NCOR1: variants seen among roughly 807,000 people sequenced by gnomAD.
The protein encoded by NCOR1 is protein phosphatase 1, regulatory subunit 109.
Under a neutral mutation model 288.1 loss-of-function variants are expected in NCOR1, and 63 were observed. The ratio of observed to expected loss-of-function variants is 0.22; its 90% CI spans 0.18 to 0.27. The LOEUF is 0.27. NCOR1 is among the 10% of genes least tolerant of loss of function. NCOR1 has a pLI of 1.00. For missense variants in NCOR1, 2,397 were observed against 3,019.2 expected (o/e 0.79, Z 4.83); for synonymous variants, 1,007 against 1,065.9 (o/e 0.94, Z 1.08).
intron 23 of NCOR1, chr17:16,084,315 T>C (rs770138334): frequency 9.8e-5 from 15 of 152,290 alleles, no homozygotes; most frequent in Middle Eastern, 3.4e-3. Flanking sequence ...TAGCTGCTAA[T>C]AGCAAAGAGA....
At chr17:16,042,153 A>C (rs2057828104) in intron 42 of NCOR1, among the ~76,000 whole-genome samples, 1 of 94,784 alleles carries the variant, frequency 1.1e-5, no homozygotes, top group African/African-American at 5.3e-5. Context: ...GGGAGGCTTT[A>C]AACTGACAGA....
chr17:16,145,109 C>T (rs973611989), intron 10 of NCOR1, among the ~76,000 whole-genome samples: 5 of 152,214 alleles, frequency 3.3e-5, no homozygotes, highest in African/African-American at 9.6e-5. Flanking sequence ...CCGTGTTGGA[C>T]GGGCTGGTCT....
At chr17:16,114,071 T>C (rs1160976464) in intron 18 of NCOR1, among the ~76,000 whole-genome samples, 3 of 138,928 alleles carry the variant, frequency 2.2e-5, no homozygotes, top group African/African-American at 5.3e-5. Flanking sequence ...CAGTTCCACA[T>C]GGCTGGGGAG....
In NCOR1 at chr17:16,048,925, T is replaced by C; in HGVS notation, c.6456A>G (p.Pro2152=). Residue 2152 remains proline (P), a synonymous_variant, in exon 41 of 46, where the codon CCA becomes CCG. Coordinates refer to ENST00000268712, the MANE Select transcript of NCOR1 (RefSeq NM_006311.4). ...VSSEPYEPIS[P]PQVPVVHEKQ... ...TCTCATGCACAACCGGAACCTGGGG[T>C]GGGGAGATGGGCTCGTAGGGCTCCG... 3 of 1,613,380 alleles carry C rather than the reference T, an allele frequency of 1.9e-6. No homozygotes were observed. The highest frequency in any genetic ancestry group is 2.5e-6 in the Non-Finnish European group (3 of 1,179,656).
Position 16,068,125 on chromosome 17 carries a change from GA to G in NCOR1, c.4514-5del, listed in dbSNP as rs1476264466. The G allele has an allele frequency of 1.3e-6, 2 of 1,593,576 alleles. No homozygotes were observed. The highest frequency in any genetic ancestry group is 8.6e-7 in the Non-Finnish European group (1 of 1,167,206). On this transcript the variant is annotated splice_polypyrimidine_tract_variant and splice_region_variant and intron_variant, in intron 31 of 45. Transcript: ENST00000268712. The stretch of plus-strand genomic sequence containing the variant: ...GACTTGTTAGAAGAAATTGTAACTG[GA>G]AAAAAAGAGCCAATGCCACAAGTTC...
chr17:16,145,856 G>A (rs992774668), intron 10 of NCOR1, among the ~76,000 whole-genome samples: 3 of 152,202 alleles, frequency 2.0e-5, no homozygotes, highest in Admixed American at 2.0e-4. Context: ...GACTAGAGAG[G>A]GGGGGAAATG....
At chr17:16,125,779 C>T (rs918008101) in intron 15 of NCOR1, among the ~76,000 whole-genome samples, 3 of 149,796 alleles carry the variant, frequency 2.0e-5, no homozygotes, top group Non-Finnish European at 3.0e-5. Flanking sequence ...AGTGAAATAA[C>T]TCAGAAACAG....
intron 26 of NCOR1, among the ~76,000 whole-genome samples, chr17:16,077,749 G>T (rs1197739287): frequency 2.6e-5 from 4 of 152,158 alleles, no homozygotes; most frequent in Middle Eastern, 3.2e-3. Context: ...TGGCAAAAAT[G>T]TGTTGATTGT....
In NCOR1 at chr17:16,171,162, A is replaced by G. The variant is rs994825504; in HGVS notation, c.435+641T>C. Among the ~76,000 whole-genome samples the G allele has an allele frequency of 4.6e-5, 7 of 152,320 alleles. No homozygotes were observed. In the South Asian group the frequency reaches 1.4e-3, roughly 32 times the overall value. ...GATGTGTTTCCCAATGTATACATAC[A>G]TCAAAATATCACACTGTATAAATAT... On this transcript the variant is annotated intron_variant, in intron 4 of 45. Transcript: ENST00000268712.
intron 20 of NCOR1, among the ~76,000 whole-genome samples, chr17:16,099,113 T>A (rs1414631083): frequency 1.3e-5 from 2 of 152,080 alleles, no homozygotes; most frequent in African/African-American, 4.8e-5. Flanking sequence ...AAATCAGCAC[T>A]CCCCAACAGC....
intron 9 of NCOR1, among the ~76,000 whole-genome samples, chr17:16,147,263 G>T (rs950257605): frequency 6.6e-6 from 1 of 152,096 alleles, no homozygotes; most frequent in African/African-American, 2.4e-5. Flanking sequence ...ACAAAAATTA[G>T]CCAGGCGTGG....
At chr17:16,103,981 C>G (rs1487871204) in intron 19 of NCOR1, among the ~76,000 whole-genome samples, 1 of 152,216 alleles carries the variant, frequency 6.6e-6, no homozygotes, top group African/African-American at 2.4e-5. Context: ...GCCTGGGCAA[C>G]AAGAGTGAAA....
intron 22 of NCOR1, among the ~76,000 whole-genome samples, chr17:16,091,237 C>T (rs781693540): frequency 9.2e-5 from 14 of 152,162 alleles, no homozygotes; most frequent in African/African-American, 3.1e-4. Context: ...TATGTAATAA[C>T]GTGCTACATT....
In NCOR1 at chr17:16,109,254, AT is replaced by A. The variant is rs199577625; in HGVS notation, c.2056-343del. Among the ~76,000 whole-genome samples the A allele has an allele frequency of 7.5e-3, 1,144 of 151,996 alleles. 19 individuals are homozygous for A. The highest frequency in any genetic ancestry group is 0.049 in the East Asian group (255 of 5,172). On this transcript the variant is annotated intron_variant, in intron 18 of 45. Coordinates refer to ENST00000268712, the MANE Select transcript of NCOR1 (RefSeq NM_006311.4). ...TATCTAATAAAAACAATATATATAT[AT>A]TTTTTCTAAAGATAATATATACCTT...
intron 21 of NCOR1, among the ~76,000 whole-genome samples, chr17:16,095,718 C>G (rs1234155459): frequency 8.2e-6 from 1 of 122,444 alleles, no homozygotes; most frequent in East Asian, 2.5e-4. Flanking sequence ...GTCAGCCCCC[C>G]GCCCGGCCAG....
intron 14 of NCOR1, among the ~76,000 whole-genome samples, chr17:16,127,311 ATG>A (rs1491511665): frequency 2.9e-5 from 1 of 34,382 alleles, no homozygotes; most frequent in African/African-American, 1.0e-4. Flanking sequence ...GTATATATAC[ATG>A]TATGTATATA....
chr17:16,085,717 T>C (rs911485873), intron 23 of NCOR1, among the ~76,000 whole-genome samples: 1 of 152,092 alleles, frequency 6.6e-6, no homozygotes, highest in Non-Finnish European at 1.5e-5. Flanking sequence ...GAAGGGGAGA[T>C]GGCCTGGGAA....
At chr17:16,105,828 G>A (rs781775598) in intron 19 of NCOR1, among the ~76,000 whole-genome samples, 12 of 152,266 alleles carry the variant, frequency 7.9e-5, no homozygotes, top group East Asian at 1.9e-4. Context: ...GGCCAGGCGC[G>A]GTGGCTCATG....
chr17:16,109,702 T>C (rs2069585655), intron 18 of NCOR1, among the ~76,000 whole-genome samples: 1 of 152,080 alleles, frequency 6.6e-6, no homozygotes, highest in South Asian at 2.1e-4. Context: ...CAACTCATCA[T>C]TGATATTACT....
Sources: allele counts gnomAD v4.1 joint callset (sites outside exome capture counted in the v4.1 genomes callset), GRCh38; gene constraint gnomAD v4.1.1; transcripts MANE v1.5; gene names NCBI Gene and HGNC (gene_info 2026-07-23, HGNC 2026-07-21).